The following KLHL1 variants were observed in gnomAD, a reference collection of about 807,000 sequenced individuals.
The protein encoded by KLHL1 is kelch-like protein 1.
KLHL1 carries 47 observed loss-of-function variants against 77.7 expected under a neutral mutation model. The ratio of observed to expected loss-of-function variants is 0.60; its 90% CI spans 0.48 to 0.77. The LOEUF (loss-of-function observed/expected upper bound fraction) is 0.77. Among genes scored for constraint, KLHL1 ranks in the 30% least tolerant of loss-of-function variants. The pLI is 0.00. For missense variants in KLHL1, 925 were observed against 910.8 expected, an observed-to-expected ratio of 1.02 and a Z score of -0.20; for synonymous variants, 360 against 325.2, an observed-to-expected ratio of 1.11 and a Z score of -1.15.
chr13:69,741,376 C>G (rs983466228), intron 7 of KLHL1, among the ~76,000 whole-genome samples: 1 of 152,016 alleles, frequency 6.6e-6, no homozygotes, highest in East Asian at 1.9e-4. Context: ...CAATTTGAAG[C>G]CTGATTATAA....
chr13:69,855,651 G>A (rs934210641), intron 5 of KLHL1, among the ~76,000 whole-genome samples: 2 of 151,190 alleles, frequency 1.3e-5, no homozygotes, highest in Non-Finnish European at 2.9e-5. Flanking sequence ...CCTTCCTGCC[G>A]CCTCGTAAAG....
intron 1 of KLHL1, among the ~76,000 whole-genome samples, chr13:70,094,671 G>A (rs995932481): frequency 6.6e-6 from 1 of 152,042 alleles, no homozygotes; most frequent in Non-Finnish European, 1.5e-5. Flanking sequence ...ATTTACTTAG[G>A]AGAAGATTAC....
intron 7 of KLHL1, among the ~76,000 whole-genome samples, chr13:69,779,976 G>A (rs1055540144): frequency 2.6e-5 from 4 of 151,736 alleles, no homozygotes; most frequent in African/African-American, 4.8e-5. Context: ...ACTAATTTTC[G>A]TATTTTTAGT....
rs1555272487 is a variant in KLHL1 at position 69,837,656 on chromosome 13, ATGTGTGTGTGTGTG to A, written c.1414+1306_1414+1319del. ...TATATATATATATGTGTATATATAT[ATGTGTGTGTGTGTG>A]TATATATATATATATATACACATAT... On this transcript the variant is annotated intron_variant, in intron 6 of 10. Transcript: ENST00000377844. Among the ~76,000 whole-genome samples, 817 of 136,336 alleles carry A rather than the reference ATGTGTGTGTGTGTG, an allele frequency of 6.0e-3. 5 individuals are homozygous for A. Among genetic ancestry groups the A allele is most frequent in the African/African-American group, 0.014 (471 of 34,334 alleles). The allele number at this position is 136,336 out of a possible 152,430, so 89.4% of individuals were successfully genotyped here.
At chr13:69,782,313 C>T (rs555627986) in intron 7 of KLHL1, among the ~76,000 whole-genome samples, 88 of 152,272 alleles carry the variant, frequency 5.8e-4, no homozygotes, top group Admixed American at 3.1e-3. Context: ...AGACAGTGGG[C>T]GCAGGTCAGT....
intron 1 of KLHL1, among the ~76,000 whole-genome samples, chr13:70,103,687 G>A (rs1293135734): frequency 6.6e-6 from 1 of 152,040 alleles, no homozygotes; most frequent in African/African-American, 2.4e-5. Flanking sequence ...GAAATTGAGG[G>A]GAAAGAAGAT....
At chr13:70,006,652 T>C (rs951001511) in intron 1 of KLHL1, among the ~76,000 whole-genome samples, 2 of 151,960 alleles carry the variant, frequency 1.3e-5, no homozygotes, top group African/African-American at 2.4e-5. Context: ...TGCCCCTTAC[T>C]GGAAATTGGT....
At chr13:69,748,280 A>G (rs1874307756) in intron 7 of KLHL1, among the ~76,000 whole-genome samples, 1 of 151,982 alleles carries the variant, frequency 6.6e-6, no homozygotes, top group Non-Finnish European at 1.5e-5. Context: ...GCTGATAAAG[A>G]CATACCTGAG....
chr13:69,786,023 C>T (rs1183177919), intron 7 of KLHL1, among the ~76,000 whole-genome samples: 1 of 152,082 alleles, frequency 6.6e-6, no homozygotes, highest in African/African-American at 2.4e-5. Flanking sequence ...CAACAGCTTA[C>T]CCCCCAAAAA....
At chr13:69,727,941 T>C (rs1873375434) in intron 8 of KLHL1, among the ~76,000 whole-genome samples, 1 of 152,086 alleles carries the variant, frequency 6.6e-6, no homozygotes, top group Non-Finnish European at 1.5e-5. Flanking sequence ...ACTTAAATTT[T>C]GCATTTTATA....
intron 1 of KLHL1, among the ~76,000 whole-genome samples, chr13:70,072,965 G>GA (rs1269601730): frequency 6.6e-6 from 1 of 151,982 alleles, no homozygotes; most frequent in African/African-American, 2.4e-5. Context: ...AATAAGAGAA[G>GA]AAAAAAACTA....
chr13:70,049,143 C>G (rs1886572943), intron 1 of KLHL1, among the ~76,000 whole-genome samples: 1 of 151,684 alleles, frequency 6.6e-6, no homozygotes, highest in Non-Finnish European at 1.5e-5. Flanking sequence ...TTTCCTATAA[C>G]TTTGTTTCCT....
rs1371507000 is a variant in KLHL1 at position 69,711,976 on chromosome 13, C to T, written c.2016-4180G>A. On this transcript the variant is annotated intron_variant, in intron 9 of 10. Transcript: ENST00000377844. Reference sequence around the variant, plus strand: ...GCATTTCCCTGACGACTAATGCCATCCAATCATTTTTTTTCCCAGTAGTCA... The same window carrying T: ...GCATTTCCCTGACGACTAATGCCATTCAATCATTTTTTTTCCCAGTAGTCA... Among the ~76,000 whole-genome samples, 5 of 152,128 alleles carry T rather than the reference C, an allele frequency of 3.3e-5. No individual in the cohort carries two copies. In the East Asian group the frequency reaches 9.6e-4, roughly 29 times the overall value.
chr13:69,987,881 A>G lies in KLHL1; in HGVS notation c.498-12079T>C, dbSNP rs151077656. Among the ~76,000 whole-genome samples, 1,104 of 152,222 alleles carry G rather than the reference A, an allele frequency of 7.3e-3. 16 individuals are homozygous for G. Among genetic ancestry groups the G allele is most frequent in the African/African-American group, 0.025 (1,045 of 41,548 alleles). On this transcript the variant is annotated intron_variant, in intron 1 of 10. Coordinates refer to ENST00000377844, the MANE Select transcript of KLHL1 (RefSeq NM_020866.3). Reference sequence around the variant, plus strand: ...CTAAAATAACAATTACTATGAAAAGATACATTAAATGTAGAATAAACTGCT... The same window carrying G: ...CTAAAATAACAATTACTATGAAAAGGTACATTAAATGTAGAATAAACTGCT...
intron 5 of KLHL1, among the ~76,000 whole-genome samples, chr13:69,844,504 C>T (rs967348207): frequency 6.6e-6 from 1 of 151,526 alleles, no homozygotes; most frequent in Non-Finnish European, 1.5e-5. Context: ...GTTTGCATTT[C>T]GTCTCTGACA....
chr13:69,896,232 C>T (rs1038709874), intron 4 of KLHL1, among the ~76,000 whole-genome samples: 1 of 152,070 alleles, frequency 6.6e-6, no homozygotes, highest in African/African-American at 2.4e-5. Flanking sequence ...CCCCTTCAGC[C>T]TCTTCTCTCC....
At chr13:69,731,128 T>G (rs963084396) in intron 8 of KLHL1, among the ~76,000 whole-genome samples, 4 of 152,146 alleles carry the variant, frequency 2.6e-5, no homozygotes, top group Non-Finnish European at 2.9e-5. Context: ...TTGGTGTTAA[T>G]AAAATGTGTG....
chr13:70,061,455 T>C (rs1169599017), intron 1 of KLHL1, among the ~76,000 whole-genome samples: 1 of 152,084 alleles, frequency 6.6e-6, no homozygotes, highest in Non-Finnish European at 1.5e-5. Flanking sequence ...AGTATATTAA[T>C]CAGCAATTCC....
chr13:70,011,542 T>C (rs1311518708), intron 1 of KLHL1, among the ~76,000 whole-genome samples: 1 of 152,182 alleles, frequency 6.6e-6, no homozygotes, highest in Non-Finnish European at 1.5e-5. Context: ...AATTAGAAGT[T>C]TGATTTTCTC....
Sources: allele counts gnomAD v4.1 joint callset (sites outside exome capture counted in the v4.1 genomes callset), GRCh38; gene constraint gnomAD v4.1.1; transcripts MANE v1.5; gene names NCBI Gene and HGNC (gene_info 2026-07-23, HGNC 2026-07-21).